CHLSN: variants seen among roughly 807,000 people sequenced by gnomAD.
CHLSN encodes cholesin, also known as protein cholesin.
chr7:987,455 G>A, the CHLSN span: 8 of 1,575,618 alleles, frequency 5.1e-6, no homozygotes, highest in African/African-American at 1.3e-5. Context: ...GAGGTGCAGC[G>A]GTTCATCACG....
At chr7:1,117,824 C>T in the CHLSN span, among the ~76,000 whole-genome samples, 1 of 152,234 alleles carries the variant, frequency 6.6e-6, no homozygotes, top group Admixed American at 6.5e-5. Flanking sequence ...GCTTCCATCA[C>T]CCACACGCCT....
the CHLSN span, among the ~76,000 whole-genome samples, chr7:1,110,355 T>A: frequency 6.6e-6 from 1 of 151,928 alleles, no homozygotes; most frequent in Non-Finnish European, 1.5e-5. Context: ...ATCTTCATGG[T>A]GCGGCTCCGA....
chr7:1,085,959 C>T, the CHLSN span, among the ~76,000 whole-genome samples: 7 of 152,218 alleles, frequency 4.6e-5, no homozygotes, highest in Admixed American at 3.3e-4. Flanking sequence ...TCCTGCAGTC[C>T]GGGCCCTGTC....
chr7:1,099,228 G>A, the CHLSN span, among the ~76,000 whole-genome samples: 2 of 150,020 alleles, frequency 1.3e-5, no homozygotes, highest in Non-Finnish European at 3.0e-5. Context: ...CTCCCCTTCC[G>A]GAGCCTCGCT....
At chr7:1,010,018 T>G in the CHLSN span, 2 of 1,604,904 alleles carry the variant, frequency 1.2e-6, no homozygotes, top group Non-Finnish European at 1.7e-6. Context: ...CCACAAGGCC[T>G]GCCTCCCGCA....
chr7:1,127,653 ACAATCT>A, the CHLSN span, among the ~76,000 whole-genome samples: 3 of 46,666 alleles, frequency 6.4e-5, no homozygotes, highest in East Asian at 4.1e-3. Flanking sequence ...GTGCAGTGGC[ACAATCT>A]CGGCTCATCC....
At chr7:985,172 C>A in the CHLSN span, 4 of 1,579,946 alleles carry the variant, frequency 2.5e-6, no homozygotes, top group East Asian at 6.9e-5. Context: ...GCAGGCCGGC[C>A]CTTCCCGCTG....
the CHLSN span, among the ~76,000 whole-genome samples, chr7:1,115,253 A>T: frequency 6.6e-6 from 1 of 152,172 alleles, no homozygotes; most frequent in African/African-American, 2.4e-5. Flanking sequence ...TGGGTGTTAA[A>T]TTTCTCCAAA....
chr7:1,032,936 C>T, the CHLSN span, among the ~76,000 whole-genome samples: 1 of 152,344 alleles, frequency 6.6e-6, no homozygotes, highest in South Asian at 2.1e-4. Flanking sequence ...CCGGATACCC[C>T]CTCTCTGGGA....
the CHLSN span, among the ~76,000 whole-genome samples, chr7:1,059,866 TGTAGTGGGGCGGGTCC>T: frequency 2.9e-4 from 7 of 23,958 alleles, no homozygotes; most frequent in African/African-American, 9.8e-4. Flanking sequence ...GGGGCGGGTC[TGTAGTGGGGCGGGTCC>T]GTAGTGAGGC....
the CHLSN span, among the ~76,000 whole-genome samples, chr7:1,044,065 TC>T: frequency 6.6e-6 from 1 of 152,364 alleles, no homozygotes. Context: ...CTGTGAGTGT[TC>T]CGTTTACAAA....
At chr7:997,608 G>A in the CHLSN span, 50 of 1,554,252 alleles carry the variant, frequency 3.2e-5, no homozygotes, top group South Asian at 1.1e-4. Context: ...CAGCGGCCCC[G>A]CCCCGCGCTG....
chr7:1,124,284 G>T, the CHLSN span, among the ~76,000 whole-genome samples: 1 of 152,060 alleles, frequency 6.6e-6, no homozygotes, highest in South Asian at 2.1e-4. Flanking sequence ...TGTCTTGGGG[G>T]TGCTGCCAGT....
the CHLSN span, among the ~76,000 whole-genome samples, chr7:1,111,434 C>T: frequency 6.6e-6 from 1 of 152,192 alleles, no homozygotes; most frequent in African/African-American, 2.4e-5. Context: ...TATTCTCATC[C>T]ATGGCATAAC....
At chr7:1,016,629 T>TACAGCAGCGCACGCCAGAGCACAAC in the CHLSN span, among the ~76,000 whole-genome samples, 1 of 83,324 alleles carries the variant, frequency 1.2e-5, no homozygotes, top group Non-Finnish European at 2.3e-5. Context: ...CAGAGCACAG[T>TACAGCAGCGCACGCCAGAGCACAAC]AGCGCACGCC....
chr7:998,303 T>G, the CHLSN span, among the ~76,000 whole-genome samples: 1 of 152,172 alleles, frequency 6.6e-6, no homozygotes, highest in Non-Finnish European at 1.5e-5. Flanking sequence ...GCACGTTTCC[T>G]CAGGTCCCTG....
At chr7:1,036,986 C>T in the CHLSN span, among the ~76,000 whole-genome samples, 2 of 147,230 alleles carry the variant, frequency 1.4e-5, no homozygotes, top group Non-Finnish European at 3.1e-5. Context: ...TGGCATGCGC[C>T]TGTAGTCCAA....
At chr7:1,078,542 C>T in the CHLSN span, among the ~76,000 whole-genome samples, 473 of 152,298 alleles carry the variant, frequency 3.1e-3, 5 homozygotes, top group African/African-American at 0.01. Flanking sequence ...CTCCTGCACC[C>T]CACACTCCCG....
the CHLSN span, among the ~76,000 whole-genome samples, chr7:999,242 G>A: frequency 6.6e-6 from 1 of 152,192 alleles, no homozygotes; most frequent in African/African-American, 2.4e-5. Context: ...ACAAAACGTG[G>A]AAACCCAGTT....
Sources: gnomAD v4.1 joint callset for allele counts (sites outside exome capture counted in the v4.1 genomes callset) on GRCh38, gnomAD v4.1.1 for gene constraint, MANE v1.5 for transcripts, NCBI Gene and HGNC (gene_info 2026-07-23, HGNC 2026-07-21) for gene names.